GALNT10: variants seen among roughly 807,000 people sequenced by gnomAD.
The protein encoded by GALNT10 is polypeptide N-acetylgalactosaminyltransferase 10, also known as GalNAc transferase 10.
Under a neutral mutation model 75.0 loss-of-function variants are expected in GALNT10, and 41 were observed. The ratio of observed to expected loss-of-function variants is 0.55; its 90% CI spans 0.43 to 0.71. The LOEUF (loss-of-function observed/expected upper bound fraction) is 0.71, where lower values mean the gene tolerates loss of function less well. Ranked by LOEUF, GALNT10 falls within the 30% of genes least tolerant of loss-of-function variation. The pLI, the probability that GALNT10 is intolerant of heterozygous loss-of-function variation, is 0.00. For synonymous variants in GALNT10, 302 were observed against 313.0 expected (o/e 0.96, Z 0.37); for missense variants, 727 against 818.5 (o/e 0.89, Z 1.36).
At chr5:154,276,024 C>T (rs60552828) in intron 1 of GALNT10, among the ~76,000 whole-genome samples, 29,957 of 152,152 alleles carry the variant, frequency 0.2, 3,285 homozygotes, top group African/African-American at 0.28. Flanking sequence ...AGAAGTATAT[C>T]ATGTTCCTGT....
rs941421275 is a variant in GALNT10 at position 154,420,739 on chromosome 5, T to G, written c.*3767T>G. ...TTAACATCTGCTTCCAGAATGGCTT[T>G]GATTCAGCCGTGCCAGGCAACAGAA... On this transcript the variant is annotated 3_prime_UTR_variant, in exon 12 of 12. Coordinates refer to ENST00000297107, the MANE Select transcript of GALNT10 (RefSeq NM_198321.4). 6.6e-6 allele frequency: 1 copy of G among 152,222 alleles called. No individual in the cohort carries two copies. The highest frequency in any genetic ancestry group is 2.4e-5 in the African/African-American group (1 of 41,450). 9.4% of individuals were successfully genotyped at this position (152,222 alleles called of 1,614,324 possible).
intron 4 of GALNT10, among the ~76,000 whole-genome samples, chr5:154,354,713 A>G (rs1338932075): frequency 6.6e-6 from 1 of 152,162 alleles, no homozygotes; most frequent in African/African-American, 2.4e-5. Flanking sequence ...ACAGTTAAGG[A>G]CATTACAGAA....
rs1756538483 is a variant in GALNT10, at chr5:154,417,491, A to T, written c.*519A>T. On this transcript the variant is annotated 3_prime_UTR_variant, in exon 12 of 12. Coordinates refer to ENST00000297107, the MANE Select transcript of GALNT10 (RefSeq NM_198321.4). The stretch of plus-strand genomic sequence containing the variant: ...TTTAGTTTCTGCCGTCCTGGGGGGA[A>T]CATTGCAGTTACTGCACAGCTTCTG... The T allele has an allele frequency of 6.4e-6, 1 of 155,694 alleles. No individual in the cohort carries two copies. Among genetic ancestry groups the T allele is most frequent in the African/African-American group, 2.4e-5 (1 of 41,472 alleles). The allele number at this position is 155,694 out of a possible 1,614,324, so 9.6% of individuals were successfully genotyped here. A position where few individuals can be genotyped will look rare whatever the true frequency, so the allele number is the denominator to read the frequency against.
intron 7 of GALNT10, chr5:154,387,866 T>G (rs1367182638): frequency 6.6e-6 from 1 of 151,426 alleles, no homozygotes; most frequent in Admixed American, 6.6e-5. Context: ...TATTTAGGTT[T>G]GAAAAGCAGT....
intron 4 of GALNT10, among the ~76,000 whole-genome samples, chr5:154,339,574 A>G (rs1400258227): frequency 1.3e-5 from 2 of 152,180 alleles, no homozygotes; most frequent in Non-Finnish European, 2.9e-5. Context: ...AGAGCAAAAA[A>G]AAAAAAATCA....
At chr5:154,232,360 A>G (rs12654163) in intron 1 of GALNT10, among the ~76,000 whole-genome samples, 93,091 of 152,076 alleles carry the variant, frequency 0.61, 29,581 homozygotes, top group East Asian at 0.85. Context: ...TCAAATGCAA[A>G]TAGGATTCAT....
chr5:154,274,988 G>A (rs1217676809), intron 1 of GALNT10, among the ~76,000 whole-genome samples: 2 of 152,146 alleles, frequency 1.3e-5, no homozygotes, highest in East Asian at 1.9e-4. Flanking sequence ...AGTTTCCAAC[G>A]TCTGGATTGG....
At chr5:154,388,637 T>G (rs889267147) in intron 7 of GALNT10, 2 of 151,786 alleles carry the variant, frequency 1.3e-5, no homozygotes, top group African/African-American at 4.8e-5. Context: ...ATACCCAGAC[T>G]GTTCTGAAAA....
At chr5:154,385,172 T>C (rs532084192) in intron 6 of GALNT10, among the ~76,000 whole-genome samples, 1 of 152,286 alleles carries the variant, frequency 6.6e-6, no homozygotes, top group East Asian at 1.9e-4. Flanking sequence ...ATTTGAGGGT[T>C]TGGAGTTTTC....
chr5:154,380,444 T>C lies in GALNT10; in HGVS notation c.755-4T>C. 1 of 1,612,170 alleles carries C rather than the reference T, an allele frequency of 6.2e-7. No individual in the cohort carries two copies. Among genetic ancestry groups the C allele is most frequent in the Non-Finnish European group, 8.5e-7 (1 of 1,178,546 alleles). On this transcript the variant is annotated splice_region_variant and splice_polypyrimidine_tract_variant and intron_variant, in intron 5 of 11. Coordinates refer to ENST00000297107, the MANE Select transcript of GALNT10 (RefSeq NM_198321.4). ...ATCTGATAGGCATCTCTTGGCTTCTTCAGACCGCATTGCTCGGAACCGCAA... is the reference window on the plus strand; with the variant it reads ...ATCTGATAGGCATCTCTTGGCTTCTCCAGACCGCATTGCTCGGAACCGCAA...
rs1774841833 is a variant in GALNT10 at position 154,190,742 on chromosome 5, C to A, written c.-125C>A. Reference sequence around the variant, plus strand: ...CGGCGGAAGTGCCGCGGAGTTGGAGCGGGGCCGGCGCCGCAGCCGCTTCTG... The same window carrying A: ...CGGCGGAAGTGCCGCGGAGTTGGAGAGGGGCCGGCGCCGCAGCCGCTTCTG... On this transcript the variant is annotated 5_prime_UTR_variant, in exon 1 of 12. Transcript: ENST00000297107. The A allele has an allele frequency of 7.4e-6, 2 of 269,182 alleles. No homozygotes were observed. The highest frequency in any genetic ancestry group is 2.3e-5 in the African/African-American group (1 of 43,178). 16.7% of individuals were successfully genotyped at this position (269,182 alleles called of 1,614,324 possible). A position where few individuals can be genotyped will look rare whatever the true frequency, so the allele number is the denominator to read the frequency against.
At chr5:154,219,846 A>T (rs1418564011) in intron 1 of GALNT10, among the ~76,000 whole-genome samples, 1 of 150,428 alleles carries the variant, frequency 6.6e-6, no homozygotes, top group African/African-American at 2.5e-5. Flanking sequence ...TCTCACACAC[A>T]CACACACACA....
At chr5:154,194,531 G>A (rs995011776) in intron 1 of GALNT10, among the ~76,000 whole-genome samples, 4 of 152,148 alleles carry the variant, frequency 2.6e-5, no homozygotes, top group African/African-American at 7.2e-5. Context: ...GTCATTCTTG[G>A]CTTGCTGTCT....
chr5:154,383,699 C>CT (rs2113182033), intron 6 of GALNT10, among the ~76,000 whole-genome samples: 1 of 152,250 alleles, frequency 6.6e-6, no homozygotes, highest in African/African-American at 2.4e-5. Context: ...CATGAAGCAC[C>CT]AAGTCAGAAA....
intron 7 of GALNT10, among the ~76,000 whole-genome samples, chr5:154,393,309 A>G (rs1755946636): frequency 6.6e-6 from 1 of 152,104 alleles, no homozygotes. Context: ...CCTGGCCTCA[A>G]GCAGTCTTCC....
At chr5:154,275,115 T>A (rs1018943189) in intron 1 of GALNT10, among the ~76,000 whole-genome samples, 4 of 152,340 alleles carry the variant, frequency 2.6e-5, no homozygotes, top group South Asian at 2.1e-4. Context: ...AACGAATGAG[T>A]TGAGCTTCCA....
intron 7 of GALNT10, chr5:154,393,067 A>AACACAC (rs1554101655): frequency 6.0e-5 from 7 of 116,508 alleles, no homozygotes; most frequent in Non-Finnish European, 1.2e-4. Context: ...CAAAAAAAAA[A>AACACAC]AAAAAAAAAA....
chr5:154,263,326 T>G (rs1277003015), intron 1 of GALNT10, among the ~76,000 whole-genome samples: 1 of 152,160 alleles, frequency 6.6e-6, no homozygotes, highest in African/African-American at 2.4e-5. Context: ...TAAAAAGGAA[T>G]GAAGTACTGA....
rs768922519 is a variant in GALNT10 at position 154,412,903 on chromosome 5, C to T, written c.1401C>T (p.Gly467=). The T allele has an allele frequency of 1.2e-6, 2 of 1,612,532 alleles. No individual in the cohort carries two copies. Among genetic ancestry groups the T allele is most frequent in the Non-Finnish European group, 1.7e-6 (2 of 1,178,636 alleles). ...TTCCCTTTCAGATCCGAAATGTGGG[C>T]ACAGGGCTGTGTGCAGACACAAAGC... is the stretch of plus-strand genomic sequence containing the variant. The part of the protein sequence containing the change: ...AAAWGEIRNV[G]TGLCADTKHG... Residue 467 remains glycine, a synonymous_variant, in exon 10 of 12, where the codon GGC becomes GGT. Coordinates refer to ENST00000297107, the MANE Select transcript of GALNT10 (RefSeq NM_198321.4). The surrounding 1 kb of genome is among the most constrained non-coding windows in gnomAD (Gnocchi z 4.2).
Sources: gnomAD v4.1 joint callset for allele counts (sites outside exome capture counted in the v4.1 genomes callset) on GRCh38, gnomAD v4.1.1 for gene constraint, Gnocchi (gnomAD v3.1) non-coding constraint, MANE v1.5 for transcripts, NCBI Gene and HGNC (gene_info 2026-07-23, HGNC 2026-07-21) for gene names.